The following KCNMA1 variants were observed in gnomAD, a reference collection of about 807,000 sequenced individuals.
KCNMA1 encodes Calcium-activated potassium channel subunit alpha-1.
KCNMA1 carries 29 observed loss-of-function variants against 140.0 expected under a neutral mutation model. The ratio of observed to expected loss-of-function variants is 0.21; its 90% CI spans 0.15 to 0.28. The LOEUF is 0.28. Among genes scored for constraint, KCNMA1 ranks in the 10% least tolerant of loss-of-function variants. The probability of loss-of-function intolerance (pLI) is 1.00; values close to 1 mark genes in which losing one functional copy is unlikely to be tolerated. For missense variants in KCNMA1, 880 were observed against 1,602.2 expected (o/e 0.55, Z 7.70); for synonymous variants, 612 against 611.9 (o/e 1.00, Z 0.00).
At chr10:77,408,323 A>G (rs1470082635) in intron 1 of KCNMA1, among the ~76,000 whole-genome samples, 1 of 152,226 alleles carries the variant, frequency 6.6e-6, no homozygotes, top group East Asian at 1.9e-4. Context: ...GTCCTTACAC[A>G]GGAAGCACTT....
At chr10:77,489,205 A>T (rs940598329) in intron 1 of KCNMA1, among the ~76,000 whole-genome samples, 6 of 152,252 alleles carry the variant, frequency 3.9e-5, no homozygotes, top group African/African-American at 1.4e-4. Flanking sequence ...ATTTTTTAGC[A>T]TAAGTATGTC....
At chr10:77,583,689 G>A (rs1207354765) in intron 1 of KCNMA1, among the ~76,000 whole-genome samples, 4 of 152,198 alleles carry the variant, frequency 2.6e-5, no homozygotes, top group Non-Finnish European at 5.9e-5. Flanking sequence ...TGCCTCCCTG[G>A]CCTGGGGCAG....
At chr10:77,073,331 A>G in intron 13 of KCNMA1, 79 bp from the exon 14 acceptor site, 1 of 1,461,620 alleles carries the variant, frequency 6.8e-7, no homozygotes, top group Non-Finnish European at 9.5e-7. Context: ...GAAATGCAGC[A>G]TTGCCCAACC....
intron 1 of KCNMA1, among the ~76,000 whole-genome samples, chr10:77,447,864 A>G (rs1373277380): frequency 6.6e-6 from 1 of 152,236 alleles, no homozygotes; most frequent in Non-Finnish European, 1.5e-5. Flanking sequence ...GGATGGCATG[A>G]CACCACTGTA....
chr10:77,070,976 G>T (rs2096184136), intron 14 of KCNMA1, among the ~76,000 whole-genome samples: 1 of 152,178 alleles, frequency 6.6e-6, no homozygotes, highest in Admixed American at 6.5e-5. Context: ...CATATTCAGA[G>T]AGCTACTTCC....
Position 77,537,404 on chromosome 10 carries a change from T to C in KCNMA1, c.378+99861A>G, listed in dbSNP as rs746530768. ...CCCACACCTTGCTCCAAAAGTCACA[T>C]CCTTGCCCCCACCCAGGGCCCACCT... On this transcript the variant is annotated intron_variant, in intron 1 of 27. Coordinates refer to ENST00000286628, the MANE Select transcript of KCNMA1 (RefSeq NM_001161352.2). Among the ~76,000 whole-genome samples the C allele has an allele frequency of 5.6e-4, 85 of 152,120 alleles. 1 individual carries two copies. The highest frequency in any genetic ancestry group is 1.1e-3 in the Non-Finnish European group (75 of 68,006).
chr10:77,056,066 A>G (rs2095530488), intron 14 of KCNMA1, among the ~76,000 whole-genome samples: 2 of 152,174 alleles, frequency 1.3e-5, no homozygotes, highest in South Asian at 4.1e-4. Flanking sequence ...TAGAAGCCCC[A>G]TAAGAACCTG....
At chr10:76,922,925 A>T (rs904266583) in intron 23 of KCNMA1, among the ~76,000 whole-genome samples, 1 of 152,166 alleles carries the variant, frequency 6.6e-6, no homozygotes, top group Non-Finnish European at 1.5e-5. Flanking sequence ...ATCTTCATTT[A>T]AGGTTTCCTG....
intron 1 of KCNMA1, among the ~76,000 whole-genome samples, chr10:77,490,880 A>G (rs1042648465): frequency 5.3e-5 from 8 of 152,032 alleles, no homozygotes; most frequent in Admixed American, 2.0e-4. Context: ...CAGACAACAC[A>G]CTGGCTTGTA....
chr10:77,615,908 A>G (rs977352537), intron 1 of KCNMA1, among the ~76,000 whole-genome samples: 8 of 152,198 alleles, frequency 5.3e-5, no homozygotes, highest in Admixed American at 2.0e-4. Context: ...CAACTTCATC[A>G]TAACAGGGCC....
intron 3 of KCNMA1, among the ~76,000 whole-genome samples, chr10:77,214,720 G>C (rs1473941680): frequency 6.6e-6 from 1 of 152,078 alleles, no homozygotes; most frequent in Non-Finnish European, 1.5e-5. Context: ...CCTTCCCTCT[G>C]TCTCAACAGT....
intron 2 of KCNMA1, among the ~76,000 whole-genome samples, chr10:77,306,074 A>G (rs2077631781): frequency 6.6e-6 from 1 of 152,194 alleles, no homozygotes; most frequent in Admixed American, 6.5e-5. Context: ...GGACACACAG[A>G]AGAAACCTCC....
At chr10:77,492,814 TGGAGA>T (rs1217968444) in intron 1 of KCNMA1, among the ~76,000 whole-genome samples, 3 of 152,134 alleles carry the variant, frequency 2.0e-5, no homozygotes, top group East Asian at 1.9e-4. Flanking sequence ...TGTATGGGAG[TGGAGA>T]GGAGAGGCCA....
intron 1 of KCNMA1, among the ~76,000 whole-genome samples, chr10:77,496,723 T>C (rs2042100595): frequency 6.6e-6 from 1 of 151,582 alleles, no homozygotes; most frequent in Non-Finnish European, 1.5e-5. Context: ...GAGGGAGCTA[T>C]GAACATCCTC....
chr10:77,178,649 G>A lies in KCNMA1; in HGVS notation c.808+4772C>T, dbSNP rs559066438. Among the ~76,000 whole-genome samples, 6 of 152,210 alleles carry A rather than the reference G, an allele frequency of 3.9e-5. No homozygotes were observed. In the East Asian group the frequency reaches 5.8e-4, roughly 15 times the overall value. On this transcript the variant is annotated intron_variant, in intron 5 of 27. Coordinates refer to ENST00000286628, the MANE Select transcript of KCNMA1 (RefSeq NM_001161352.2). ...GAACCCAGGAGGCAGAGGTTGCAGC[G>A]AGCCAATATCGCACCACTGCACTCC...
At position 77,523,572 on chromosome 10, in the gene KCNMA1, G is replaced by A. The variant is rs1487925561; in HGVS notation, c.378+113693C>T. 3.9e-5 allele frequency among the ~76,000 whole-genome samples: 6 copies of A among 152,254 alleles called. No individual in the cohort carries two copies. In the South Asian group the frequency reaches 1.2e-3, roughly 32 times the overall value. Reference sequence around the variant, plus strand: ...GAAATGCTACTGAAAGAGCACGCAAGTGCCTTTGCATCTCCAGGTAAGTGC... The same window carrying A: ...GAAATGCTACTGAAAGAGCACGCAAATGCCTTTGCATCTCCAGGTAAGTGC... On this transcript the variant is annotated intron_variant, in intron 1 of 27. Transcript: ENST00000286628.
intron 1 of KCNMA1, among the ~76,000 whole-genome samples, chr10:77,553,233 TC>T (rs917311720): frequency 1.3e-5 from 2 of 152,146 alleles, no homozygotes; most frequent in Non-Finnish European, 2.9e-5. Flanking sequence ...TTCTTTTTTT[TC>T]CCCCGTGGGA....
intron 7 of KCNMA1, among the ~76,000 whole-genome samples, chr10:77,111,360 T>C (rs79697481): frequency 5.0e-4 from 76 of 152,338 alleles, no homozygotes; most frequent in African/African-American, 1.8e-3. Flanking sequence ...GTCCTCAATG[T>C]GCCATTTTCA....
chr10:77,576,494 G>A (rs2074140694), intron 1 of KCNMA1, among the ~76,000 whole-genome samples: 1 of 151,798 alleles, frequency 6.6e-6, no homozygotes, highest in Non-Finnish European at 1.5e-5. Flanking sequence ...GCCTCTCCCA[G>A]CACTTGATGG....
Sources: allele counts gnomAD v4.1 joint callset (sites outside exome capture counted in the v4.1 genomes callset), GRCh38; gene constraint gnomAD v4.1.1; transcripts MANE v1.5; gene names NCBI Gene and HGNC (gene_info 2026-07-23, HGNC 2026-07-21).